Variants in PKD1 observed in about 807,000 individuals in gnomAD.
PKD1 encodes polycystin-1.
In PKD1, 81 loss-of-function variants were observed where a neutral mutation model predicts 361.7. That is an observed-to-expected ratio of 0.22 (90% CI 0.19 to 0.27). The LOEUF is 0.27. Among genes scored for constraint, PKD1 ranks in the 10% least tolerant of loss-of-function variants. The probability of loss-of-function intolerance (pLI) is 1.00; values close to 1 mark genes in which losing one functional copy is unlikely to be tolerated. For missense variants in PKD1, 6,399 were observed against 6,118.3 expected, an observed-to-expected ratio of 1.05 and a Z score of -1.53; for synonymous variants, 3,615 against 2,818.3, an observed-to-expected ratio of 1.28 and a Z score of -8.95.
chr16:2,107,402 A>G lies in PKD1; in HGVS notation c.7066-454T>C, dbSNP rs998588646. ...GACGACCCCTCTGGGAAGACCCCCA[A>G]TCAGGCCAGCTGAGGAAAGCAGGGA... On this transcript the variant is annotated intron_variant, in intron 16 of 45. Coordinates refer to ENST00000262304, the MANE Select transcript of PKD1 (RefSeq NM_001009944.3). 39 of 358,288 alleles carry G rather than the reference A, an allele frequency of 1.1e-4. 1 individual carries two copies. Among genetic ancestry groups the G allele is most frequent in the South Asian group, 3.5e-4 (15 of 42,812 alleles). The allele number at this position is 358,288 out of a possible 1,614,324, so 22.2% of individuals were successfully genotyped here.
At chr16:2,107,072 G>A (rs2092364077) in intron 16 of PKD1, 124 bp from the exon 17 acceptor site, 2 of 859,114 alleles carry the variant, frequency 2.3e-6, no homozygotes, top group Non-Finnish European at 3.8e-6. Flanking sequence ...CTGCCGGTGA[G>A]CTCACTCCCT....
chr16:2,093,191 T>C, intron 37 of PKD1, 98 bp from the exon 38 acceptor site: 2 of 1,435,882 alleles, frequency 1.4e-6, no homozygotes, highest in Middle Eastern at 2.4e-4. Flanking sequence ...CAGGTGTGGC[T>C]GCAGGAAGGT....
rs920888374 is a variant in PKD1 at position 2,092,877 on chromosome 16, C to T, written c.11156+77G>A. ...CCACAAAGGTATCTACACATGTCCA[C>T]ATGTCCCCTAGGGTCTGGCTGGACT... On this transcript the variant is annotated intron_variant, in intron 38 of 45. Transcript: ENST00000262304. 12 of 1,547,198 alleles carry T rather than the reference C, an allele frequency of 7.8e-6. No individual in the cohort carries two copies. The African/African-American group carries it at 1.1e-4, about 14-fold the overall frequency.
In PKD1 at chr16:2,100,654, G is replaced by A. The variant is rs2092058967; in HGVS notation, c.9398-88C>T. The A allele has an allele frequency of 8.4e-7, 1 of 1,187,864 alleles. No homozygotes were observed. The highest frequency in any genetic ancestry group is 2.4e-5 in the East Asian group (1 of 42,324). The allele number at this position is 1,187,864 out of a possible 1,614,324, so 73.6% of individuals were successfully genotyped here. ...GCAAGTCATCTCAGCTTTGGCCTGT[G>A]CGCACTCAAGGAGCCACACAGGCAG... On this transcript the variant is annotated intron_variant, in intron 26 of 45. Coordinates refer to ENST00000262304, the MANE Select transcript of PKD1 (RefSeq NM_001009944.3). This position sits in a 1 kb window ranked among gnomAD's most constrained non-coding sequence, Gnocchi z 4.4.
rs2092353468 is a variant in PKD1 at position 2,106,774 on chromosome 16, C to T, written c.7209+31G>A. 2.0e-6 allele frequency: 3 copies of T among 1,488,972 alleles called. No individual in the cohort carries two copies. The highest frequency in any genetic ancestry group is 2.8e-6 in the Non-Finnish European group (3 of 1,086,718). The allele number at this position is 1,488,972 out of a possible 1,614,324, so 92.2% of individuals were successfully genotyped here. ...GTCCCCTCGGCCATGGGACCCATCC[C>T]CAGCCCGCCCACACCCCGCTCAACA... On this transcript the variant is annotated intron_variant, in intron 17 of 45. Transcript: ENST00000262304. This position sits in a 1 kb window ranked among gnomAD's most constrained non-coding sequence, Gnocchi z 6.5.
chr16:2,135,030 C>A (rs1455973593), intron 1 of PKD1: 1 of 913,578 alleles, frequency 1.1e-6, no homozygotes, highest in African/African-American at 1.8e-5. Flanking sequence ...GGACCCACCT[C>A]ATCGCCCCTT....
In PKD1 at chr16:2,103,845, C is replaced by G. The variant is rs2092207412; in HGVS notation, c.8212G>C (p.Glu2738Gln). 2 of 1,606,246 alleles carry G rather than the reference C, an allele frequency of 1.2e-6. No individual in the cohort carries two copies. The highest frequency in any genetic ancestry group is 2.7e-5 in the African/African-American group (2 of 73,570). The change falls in exon 23 of 46, where the codon GAG (glutamate) becomes CAG (glutamine). Residue 2738 changes from glutamate (E) to glutamine (Q), a missense_variant. Coordinates refer to ENST00000262304, the MANE Select transcript of PKD1 (RefSeq NM_001009944.3). ...CGAGATGGTGACTCGGCTCCCAGCTCTGAGGGCTGTGGTGCCCGCACGTCC... is the reference window on the plus strand; with the variant it reads ...CGAGATGGTGACTCGGCTCCCAGCTGTGAGGGCTGTGGTGCCCGCACGTCC... ...SSDVRAPQPSELGAESPSRMV... is the reference protein window; with the variant it reads ...SSDVRAPQPSQLGAESPSRMV...
intron 11 of PKD1, 125 bp from the exon 12 acceptor site, chr16:2,113,417 G>A (rs567178315): frequency 1.2e-4 from 126 of 1,079,088 alleles, no homozygotes; most frequent in Middle Eastern, 3.0e-4. Flanking sequence ...GGAGGTGCCC[G>A]GGGCTCTGCA....
intron 1 of PKD1, chr16:2,131,820 C>T (rs1283475566): frequency 2.0e-5 from 3 of 152,012 alleles, no homozygotes; most frequent in Non-Finnish European, 4.4e-5. Context: ...CAGACTCCGT[C>T]TCAAACAAAA....
rs754882717 is a variant in PKD1 at position 2,108,670 on chromosome 16, C to T, written c.6497G>A (p.Arg2166His). 79 of 1,565,374 alleles carry T rather than the reference C, an allele frequency of 5.0e-5. No homozygotes were observed. Among genetic ancestry groups the T allele is most frequent in the Admixed American group, 1.7e-4 (9 of 53,742 alleles). The change falls in exon 15 of 46, where the codon CGC (arginine) becomes CAC (histidine). Residue 2166 changes from arginine to histidine, a missense_variant. Physicochemically the swap from Arg to His is conservative, Grantham distance 29. Transcript: ENST00000262304. Reference protein sequence around the residue: ...PLQVLMRRSQRNYLEAHVDLR... With the variant: ...PLQVLMRRSQHNYLEAHVDLR... Reference sequence around the variant, plus strand: ...GTCAACGTGGGCCTCCAAGTAGTTGCGCTGTGATCGCCGCATCAGCACCTG... The same window carrying T: ...GTCAACGTGGGCCTCCAAGTAGTTGTGCTGTGATCGCCGCATCAGCACCTG...
chr16:2,121,434 C>T (rs1022091108), intron 1 of PKD1, among the ~76,000 whole-genome samples: 2 of 151,736 alleles, frequency 1.3e-5, no homozygotes, highest in African/African-American at 4.8e-5. Context: ...AGAGAAAACT[C>T]CAAAAACAAA....
At position 2,105,477 on chromosome 16, in the gene PKD1, G is replaced by A; in HGVS notation, c.7864-3C>T. On this transcript the variant is annotated splice_region_variant and splice_polypyrimidine_tract_variant and intron_variant, in intron 20 of 45. Coordinates refer to ENST00000262304, the MANE Select transcript of PKD1 (RefSeq NM_001009944.3). ...GCCACGTCCAGGGCCCGCTCGTACT[G>A]GGGCAGGCAGGGGGCACAGCAAGCT... 1 of 1,594,844 alleles carries A rather than the reference G, an allele frequency of 6.3e-7. No individual in the cohort carries two copies. The highest frequency in any genetic ancestry group is 1.1e-5 in the South Asian group (1 of 90,968).
chr16:2,106,381 C>T lies in PKD1; in HGVS notation c.7489+17G>A, dbSNP rs2082952. ...TCGGGGGATCCCGCTGCTCCCCCCA[C>T]GCAGGCCTGCACTCACCCGTGCATT... is the stretch of plus-strand genomic sequence containing the variant. On this transcript the variant is annotated intron_variant, in intron 18 of 45. Transcript: ENST00000262304. The surrounding 1 kb of genome is among the most constrained non-coding windows in gnomAD (Gnocchi z 6.5). 17 of 1,593,092 alleles carry T rather than the reference C, an allele frequency of 1.1e-5. No individual in the cohort carries two copies. The East Asian group carries it at 1.4e-4, about 13-fold the overall frequency.
rs569136450 is a variant in PKD1 at position 2,110,343 on chromosome 16, A to G, written c.4824T>C (p.Asn1608=). ...CCTCGTTCTCAGCCGTGACGATGAT[A>G]TTGAAGGTGCCCACGGAGCGGAAGG... is the stretch of plus-strand genomic sequence containing the variant. ...SYTFRSVGTF[N]IIVTAENEVG... Residue 1608 remains asparagine (N), a synonymous_variant, in exon 15 of 46, where the codon AAT becomes AAC. Coordinates refer to ENST00000262304, the MANE Select transcript of PKD1 (RefSeq NM_001009944.3). 1.1e-4 allele frequency: 175 copies of G among 1,612,648 alleles called. 2 individuals are homozygous for G. The South Asian group carries it at 1.8e-3, about 17-fold the overall frequency.
chr16:2,094,190 T>C lies in PKD1; in HGVS notation c.10520A>G (p.Lys3507Arg), dbSNP rs756083543. 2 of 1,605,380 alleles carry C rather than the reference T, an allele frequency of 1.2e-6. No individual in the cohort carries two copies. The highest frequency in any genetic ancestry group is 1.7e-6 in the Non-Finnish European group (2 of 1,174,830). Residue 3507 changes from lysine (K) to arginine (R), a missense_variant, in exon 35 of 46, where the codon AAG (lysine) becomes AGG (arginine). By Grantham distance (26) the Lys-to-Arg change is conservative (BLOSUM62 2). Transcript: ENST00000262304. ...LSSLSSTPGEKTETLALQRLG... is the reference protein window; with the variant it reads ...LSSLSSTPGERTETLALQRLG... ...CCTCTGCAGCGCCAGCGTCTCTGTC[T>C]TCTCCCCAGGAGTGCTGGACCTGAG...
intron 1 of PKD1, among the ~76,000 whole-genome samples, chr16:2,123,973 G>A (rs527361379): frequency 1.3e-5 from 2 of 152,320 alleles, no homozygotes; most frequent in South Asian, 2.1e-4. Context: ...CCGAGCGTCC[G>A]ATCTGGAAGG....
rs185197879 is a variant in PKD1, at chr16:2,100,926, G to A, written c.9398-360C>T. Among the ~76,000 whole-genome samples, 24 of 152,252 alleles carry A rather than the reference G, an allele frequency of 1.6e-4. 1 individual carries two copies. The East Asian group carries it at 4.6e-3, about 29-fold the overall frequency. On this transcript the variant is annotated intron_variant, in intron 26 of 45. Transcript: ENST00000262304. The surrounding 1 kb of genome is among the most constrained non-coding windows in gnomAD (Gnocchi z 4.4). ...ACACCCGTCCCTCAGTTCATGCACAGACTGCAAAGCGTGAAGCTGTGTCAC... is the reference window on the plus strand; with the variant it reads ...ACACCCGTCCCTCAGTTCATGCACAAACTGCAAAGCGTGAAGCTGTGTCAC...
chr16:2,096,823 G>A (rs1030845757), intron 34 of PKD1: 6 of 411,662 alleles, frequency 1.5e-5, no homozygotes, highest in African/African-American at 4.0e-5. Flanking sequence ...GGCCAAAAAT[G>A]GGGTATTTAA....
At chr16:2,104,387 G>A (rs1214433040) in intron 22 of PKD1, 111 bp downstream of exon 22, 7 of 612,624 alleles carry the variant, frequency 1.1e-5, no homozygotes, top group Non-Finnish European at 1.7e-5. Flanking sequence ...GGGGGGAGGG[G>A]AGGGGGACGA....
Sources: allele counts gnomAD v4.1 joint callset (sites outside exome capture counted in the v4.1 genomes callset), GRCh38; gene constraint gnomAD v4.1.1; non-coding constraint Gnocchi (gnomAD v3.1); transcripts MANE v1.5; gene names NCBI Gene and HGNC (gene_info 2026-07-23, HGNC 2026-07-21).